The following ZNF701 variants were observed in gnomAD, a reference collection of about 807,000 sequenced individuals.
ZNF701 encodes the protein zinc finger protein 701.
In ZNF701, 6 loss-of-function variants were observed where a neutral mutation model predicts 7.1. The observed-to-expected ratio is 0.84, with a 90% CI of 0.46 to 1.66. ZNF701 has a LOEUF of 1.66. ZNF701 is among the 40% of genes most tolerant of loss of function. The pLI is 0.01. For missense variants in ZNF701, 541 were observed against 559.2 expected, an observed-to-expected ratio of 0.97 and a Z score of 0.33; for synonymous variants, 166 against 188.2, an observed-to-expected ratio of 0.88 and a Z score of 0.97.
intron 3 of ZNF701, among the ~76,000 whole-genome samples, chr19:52,580,615 T>C (rs777564113): frequency 1.4e-4 from 21 of 152,228 alleles, no homozygotes; most frequent in Non-Finnish European, 2.2e-4. Context: ...TCAATTCTTA[T>C]GTTGTGTACT....
intron 1 of ZNF701, chr19:52,570,684 G>A (rs1222681679): frequency 6.6e-6 from 1 of 152,242 alleles, no homozygotes; most frequent in Non-Finnish European, 1.5e-5. Context: ...TTAGGCGCCT[G>A]AAGCGCAAAC....
chr19:52,598,438 C>CAG, the ZNF701 span, among the ~76,000 whole-genome samples: 1 of 152,114 alleles, frequency 6.6e-6, no homozygotes, highest in Non-Finnish European at 1.5e-5. Context: ...GGGAGAGGGG[C>CAG]AGGGACCTCG....
At chr19:52,588,697 C>G (rs1457482515), downstream of ZNF701, 1 of 260,574 alleles carries the variant, frequency 3.8e-6, no homozygotes, top group Non-Finnish European at 7.8e-6. Flanking sequence ...TTCTGTGATT[C>G]TGAAGCGTCC....
chr19:52,571,211 CA>C (rs2059896196), intron 1 of ZNF701, among the ~76,000 whole-genome samples: 1 of 149,532 alleles, frequency 6.7e-6, no homozygotes, highest in Non-Finnish European at 1.5e-5. Flanking sequence ...AGAGGGGCAG[CA>C]AAGAGGGAGG....
the ZNF701 span, among the ~76,000 whole-genome samples, chr19:52,599,574 T>C: frequency 6.6e-6 from 1 of 152,306 alleles, no homozygotes; most frequent in East Asian, 1.9e-4. Flanking sequence ...ATCAATCAAG[T>C]TGCTGCAGCC....
intron 1 of ZNF701, chr19:52,571,000 G>C (rs1286951187): frequency 6.6e-6 from 1 of 152,156 alleles, no homozygotes; most frequent in Non-Finnish European, 1.5e-5. Flanking sequence ...AGGAGACAGA[G>C]AGTAGTAGAA....
At chr19:52,575,272 T>A (rs2059926552) in intron 2 of ZNF701, among the ~76,000 whole-genome samples, 1 of 152,040 alleles carries the variant, frequency 6.6e-6, no homozygotes, top group Non-Finnish European at 1.5e-5. Flanking sequence ...CCTGGCCTAC[T>A]TTTTGTATTT....
chr19:52,583,689 A>G lies in ZNF701; in HGVS notation c.*232A>G. 1.1e-6 allele frequency: 1 copy of G among 900,300 alleles called. No homozygotes were observed. Among genetic ancestry groups the G allele is most frequent in the South Asian group, 1.4e-5 (1 of 73,780 alleles). 55.8% of individuals were successfully genotyped at this position (900,300 alleles called of 1,614,324 possible). On this transcript the variant is annotated 3_prime_UTR_variant, in exon 4 of 4. Transcript: ENST00000391785. ...CCTGGCCCAACATACTGGAATTCAC[A>G]CTGGAAAGGAACTGTACAAGTGTAA...
At chr19:52,580,491 C>T (rs73580218) in intron 3 of ZNF701, among the ~76,000 whole-genome samples, 17,893 of 152,038 alleles carry the variant, frequency 0.12, 2,665 homozygotes, top group African/African-American at 0.35. Flanking sequence ...CCCCAAAGTG[C>T]TGGGATTACA....
chr19:52,571,026 AAAG>A (rs1158405441), intron 1 of ZNF701: 3 of 152,282 alleles, frequency 2.0e-5, no homozygotes, highest in African/African-American at 4.8e-5. Flanking sequence ...GAGACAGAGA[AAAG>A]AAGAATGAGA....
In ZNF701 at chr19:52,570,713, G is replaced by A. The variant is rs970984793; in HGVS notation, c.-72+383G>A. Reference sequence around the variant, plus strand: ...CGCAAACGTCGCGATCCCAGTCTCAGGGAGGCCGAGTTCTCTGCCTGGTGC... The same window carrying A: ...CGCAAACGTCGCGATCCCAGTCTCAAGGAGGCCGAGTTCTCTGCCTGGTGC... On this transcript the variant is annotated intron_variant, in intron 1 of 3. Coordinates refer to ENST00000391785, the MANE Select transcript of ZNF701 (RefSeq NM_018260.3). 6 of 152,390 alleles carry A rather than the reference G, an allele frequency of 3.9e-5. No homozygotes were observed. The East Asian group carries it at 7.7e-4, about 20-fold the overall frequency. The allele number at this position is 152,390 out of a possible 1,614,324, so 9.4% of individuals were successfully genotyped here.
At chr19:52,577,316 T>C (rs11882836) in intron 3 of ZNF701, among the ~76,000 whole-genome samples, 7,403 of 152,116 alleles carry the variant, frequency 0.049, 592 homozygotes, top group African/African-American at 0.17. Context: ...GCCAGCCTGG[T>C]CTCAAACTCC....
At chr19:52,597,859 T>C in the ZNF701 span, 90 of 172,598 alleles carry the variant, frequency 5.2e-4, 3 homozygotes, top group East Asian at 0.013. Flanking sequence ...TCGTCTGCTG[T>C]CATCCTCTTG....
At chr19:52,575,669 A>T (rs1198542920) in intron 2 of ZNF701, 1 of 369,292 alleles carries the variant, frequency 2.7e-6, no homozygotes, top group East Asian at 6.9e-5. Flanking sequence ...CCGGCTAATT[A>T]TTTATTTCTA....
At chr19:52,577,836 G>A (rs113638451) in intron 3 of ZNF701, among the ~76,000 whole-genome samples, 1 of 152,032 alleles carries the variant, frequency 6.6e-6, no homozygotes, top group African/African-American at 2.4e-5. Flanking sequence ...CCTCCCTGTG[G>A]TGCTGTGCTT....
the ZNF701 span, chr19:52,592,187 G>A: frequency 6.4e-7 from 1 of 1,568,868 alleles, no homozygotes; most frequent in Non-Finnish European, 8.8e-7. Flanking sequence ...GCTTTATACA[G>A]GGAAGTGATG....
the ZNF701 span, chr19:52,595,596 A>G: frequency 2.0e-6 from 2 of 1,020,222 alleles, no homozygotes; most frequent in Non-Finnish European, 2.9e-6. Flanking sequence ...TTGGAAACCT[A>G]TTGGTCTTTA....
rs1364034156 is a variant in ZNF701 at position 52,586,531 on chromosome 19, A to C, written c.*3074A>C. On this transcript the variant is annotated 3_prime_UTR_variant, in exon 4 of 4. Transcript: ENST00000391785. ...TGGCCTTCCAAAGTGCTAGGATTAC[A>C]GGAGTGAGCCACCACACGTAGCCAG... is the stretch of plus-strand genomic sequence containing the variant. 9.2e-5 allele frequency: 14 copies of C among 151,954 alleles called. No homozygotes were observed. Among genetic ancestry groups the C allele is most frequent in the Admixed American group, 7.9e-4 (12 of 15,250 alleles). 9.4% of individuals were successfully genotyped at this position (151,954 alleles called of 1,614,324 possible).
chr19:52,583,044 G>C lies in ZNF701; in HGVS notation c.985G>C (p.Glu329Gln). The change falls in exon 4 of 4, where the codon GAA becomes CAA. Residue 329 changes from glutamate to glutamine, a missense_variant. By Grantham distance (29) the Glu-to-Gln change is conservative. Transcript: ENST00000391785. The part of the protein sequence containing the change: ...VHTGEKPYKC[E>Q]ECDKVFSRKS... ...TACTGGAGAGAAACCTTACAAATGT[G>C]AAGAATGTGACAAAGTTTTCAGTCG... 6.2e-7 allele frequency: 1 copy of C among 1,610,764 alleles called. No individual in the cohort carries two copies. The highest frequency in any genetic ancestry group is 8.5e-7 in the Non-Finnish European group (1 of 1,179,100).
Sources: gnomAD v4.1 joint callset for allele counts (sites outside exome capture counted in the v4.1 genomes callset) on GRCh38, gnomAD v4.1.1 for gene constraint, MANE v1.5 for transcripts, NCBI Gene and HGNC (gene_info 2026-07-23, HGNC 2026-07-21) for gene names.